Variants in FANCM observed in about 807,000 individuals in gnomAD.
FANCM encodes Fanconi anemia group M protein.
A neutral mutation model predicts 199.5 loss-of-function variants in FANCM; 140 were observed. The observed-to-expected ratio is 0.70, with a 90% CI of 0.61 to 0.81. The LOEUF (loss-of-function observed/expected upper bound fraction) is 0.81, where lower values mean the gene tolerates loss of function less well. FANCM is among the 30% of genes least tolerant of loss of function. The pLI is 0.00. For missense variants in FANCM, 2,410 were observed against 2,421.4 expected (o/e 1.00, Z 0.10); for synonymous variants, 840 against 836.8 (o/e 1.00, Z -0.07).
chr14:45,156,090 A>T (rs763249032), intron 8 of FANCM, among the ~76,000 whole-genome samples: 5 of 152,208 alleles, frequency 3.3e-5, no homozygotes, highest in Non-Finnish European at 7.3e-5. Context: ...GTGCTGTTTT[A>T]TATAGCATGG....
At chr14:45,199,234 C>G (rs1330380564) in intron 22 of FANCM, among the ~76,000 whole-genome samples, 1 of 152,156 alleles carries the variant, frequency 6.6e-6, no homozygotes, top group Non-Finnish European at 1.5e-5. Context: ...CTGGGCTGTT[C>G]AGTTCTGTAA....
Position 45,175,775 on chromosome 14 carries a change from G to T in FANCM, c.3021G>T (p.Leu1007Phe). ...SPPPLSGLSD[L>F]EYEIAKGTAL... The stretch of plus-strand genomic sequence containing the variant: ...CGCCTCTCAGTGGACTCTCAGACTT[G>T]GAATATGAAATTGCTAAGGGTACTG... Residue 1007 changes from leucine to phenylalanine, a missense_variant, in exon 14 of 23, where the codon TTG becomes TTT. Transcript: ENST00000267430. 6.2e-7 allele frequency: 1 copy of T among 1,613,520 alleles called. No homozygotes were observed.
At position 45,171,721 on chromosome 14, in the gene FANCM, GTGCA is replaced by G. The variant is rs1888356056; in HGVS notation, c.2160+978_2160+981del. 2.0e-5 allele frequency among the ~76,000 whole-genome samples: 3 copies of G among 149,988 alleles called. No individual in the cohort carries two copies. The Admixed American group carries it at 2.0e-4, about 10-fold the overall frequency. On this transcript the variant is annotated intron_variant, in intron 12 of 22. Coordinates refer to ENST00000267430, the MANE Select transcript of FANCM (RefSeq NM_020937.4). ...TGTGTGTGTGTGTGTGTGTGTGTGTGTGCATGTGTGTCACATTTTCTTTATCCAC... is the reference window on the plus strand; with the variant it reads ...TGTGTGTGTGTGTGTGTGTGTGTGTGTGTGTGTCACATTTTCTTTATCCAC...
chr14:45,152,009 T>A lies in FANCM; in HGVS notation c.1050+481T>A, dbSNP rs74483030. On this transcript the variant is annotated intron_variant, in intron 5 of 22. Transcript: ENST00000267430. ...TACAATGTAATGATTTGAATTAGGATAAATTTTACCTTTTAACTTTTTCTT... is the reference window on the plus strand; with the variant it reads ...TACAATGTAATGATTTGAATTAGGAAAAATTTTACCTTTTAACTTTTTCTT... 1.2e-3 allele frequency among the ~76,000 whole-genome samples: 175 copies of A among 150,748 alleles called. 3 individuals carry two copies. The East Asian group carries it at 0.032, about 27-fold the overall frequency.
intron 12 of FANCM, among the ~76,000 whole-genome samples, chr14:45,172,694 A>G (rs974801182): frequency 6.6e-6 from 1 of 152,214 alleles, no homozygotes; most frequent in Non-Finnish European, 1.5e-5. Context: ...ATTCTTTGTT[A>G]ACTTTGTGAA....
At chr14:45,191,361 G>A (rs1566785902) in intron 20 of FANCM, among the ~76,000 whole-genome samples, 1 of 152,142 alleles carries the variant, frequency 6.6e-6, no homozygotes, top group Non-Finnish European at 1.5e-5. Context: ...TCTCGACAAG[G>A]CAGAGTCCCT....
At chr14:45,146,830 C>A (rs1886427138) in intron 3 of FANCM, among the ~76,000 whole-genome samples, 2 of 88,194 alleles carry the variant, frequency 2.3e-5, no homozygotes, top group South Asian at 4.3e-4. Context: ...AAGACTCTGT[C>A]TCAAAAAAAA....
Position 45,181,698 on chromosome 14 carries a change from T to C in FANCM, c.4379T>C (p.Ile1460Thr). Residue 1460 changes from isoleucine (I) to threonine (T), a missense_variant, in exon 16 of 23, where the codon ATA becomes ACA. By Grantham distance (89) the Ile-to-Thr change is moderately conservative (BLOSUM62 -1). Transcript: ENST00000267430. ...GCTGTCAAAAAGCGCAGATTTCCTA[T>C]AAACAGAGTAAGTAAATACCAGGTA... ...LHAVKKRRFP[I>T]NRSELSSSDE... 6.2e-7 allele frequency: 1 copy of C among 1,600,612 alleles called. No individual in the cohort carries two copies. The highest frequency in any genetic ancestry group is 8.6e-7 in the Non-Finnish European group (1 of 1,168,806).
intron 10 of FANCM, among the ~76,000 whole-genome samples, chr14:45,166,638 TG>T (rs1887995345): frequency 6.6e-6 from 1 of 151,844 alleles, no homozygotes; most frequent in Admixed American, 6.6e-5. Context: ...TAACTGGGTG[TG>T]GTAGCTCACA....
At chr14:45,196,688 C>G (rs1009286367) in intron 21 of FANCM, 141 bp downstream of exon 21, 1 of 827,408 alleles carries the variant, frequency 1.2e-6, no homozygotes, top group African/African-American at 1.7e-5. Context: ...TATTTTCATA[C>G]AGCCATAATG....
intron 4 of FANCM, among the ~76,000 whole-genome samples, chr14:45,150,106 G>C (rs1027178459): frequency 3.3e-5 from 5 of 152,154 alleles, no homozygotes; most frequent in Non-Finnish European, 5.9e-5. Flanking sequence ...CATTGCCATG[G>C]ATTAAAGATG....
intron 11 of FANCM, chr14:45,167,500 A>G: frequency 4.1e-6 from 1 of 246,570 alleles, no homozygotes; most frequent in South Asian, 5.2e-5. Flanking sequence ...ATGTACTAAG[A>G]TAATACCAAG....
intron 22 of FANCM, 37 bp from the exon 23 acceptor site, chr14:45,199,833 G>T (rs574375609): frequency 2.5e-6 from 4 of 1,601,116 alleles, no homozygotes; most frequent in South Asian, 1.1e-5. Flanking sequence ...AAAGCCAAAA[G>T]TCCTAGTGTA....
rs372276411 is a variant in FANCM, at chr14:45,176,382, C to T, written c.3628C>T (p.Gln1210Ter). The change falls in exon 14 of 23, where the codon CAG (glutamine) becomes TAG (stop). Residue 1210 changes from glutamine to a stop codon, truncating the protein, a stop_gained. Transcript: ENST00000267430. LOFTEE classifies it high-confidence loss of function. ...SFKSRDQRGV[Q>*]EEKVKNHEDI... ...TAAATCTCGTGATCAGAGAGGTGTACAGGAAGAAAAAGTGAAGAATCATGA... is the reference window on the plus strand; with the variant it reads ...TAAATCTCGTGATCAGAGAGGTGTATAGGAAGAAAAAGTGAAGAATCATGA... The T allele has an allele frequency of 5.6e-6, 9 of 1,612,578 alleles. No individual in the cohort carries two copies. In the African/African-American group the frequency reaches 1.1e-4, roughly 19 times the overall value.
In FANCM at chr14:45,136,300, C is replaced by T. The variant is rs142904668; in HGVS notation, c.269C>T (p.Pro90Leu). ...GALWIYPTNC[P>L]VRDYQLHISR... Reference sequence around the variant, plus strand: ...CTGTGGATTTACCCTACCAATTGCCCAGTGCGGGACTACCAGCTGCACATT... The same window carrying T: ...CTGTGGATTTACCCTACCAATTGCCTAGTGCGGGACTACCAGCTGCACATT... Residue 90 changes from proline to leucine, a missense_variant, in exon 1 of 23, where the codon CCA (proline) becomes CTA (leucine). Physicochemically the swap from Pro to Leu is moderately conservative, Grantham distance 98. Coordinates refer to ENST00000267430, the MANE Select transcript of FANCM (RefSeq NM_020937.4). 3.9e-4 allele frequency: 625 copies of T among 1,614,180 alleles called. No homozygotes were observed. The highest frequency in any genetic ancestry group is 5.1e-4 in the Non-Finnish European group (606 of 1,180,042).
intron 5 of FANCM, among the ~76,000 whole-genome samples, chr14:45,152,255 C>G (rs1364046544): frequency 1.3e-5 from 2 of 152,098 alleles, no homozygotes; most frequent in Non-Finnish European, 2.9e-5. Context: ...GTCTCGACCT[C>G]CTGACCTCAG....
intron 3 of FANCM, among the ~76,000 whole-genome samples, chr14:45,141,409 T>G (rs963734338): frequency 2.0e-5 from 3 of 151,622 alleles, no homozygotes; most frequent in Non-Finnish European, 2.9e-5. Flanking sequence ...TAGTTTAACA[T>G]GAGAACTACA....
At position 45,176,366 on chromosome 14, in the gene FANCM, T is replaced by A. The variant is rs755947611; in HGVS notation, c.3612T>A (p.Arg1204=). The change falls in exon 14 of 23, where the codon CGT becomes CGA. Residue 1204 remains arginine, a synonymous_variant. Transcript: ENST00000267430. ...ITRDANSFKS[R]DQRGVQEEKV... ...GTGATGCTAATAGTTTTAAATCTCG[T>A]GATCAGAGAGGTGTACAGGAAGAAA... 42 of 1,613,212 alleles carry A rather than the reference T, an allele frequency of 2.6e-5. 2 individuals are homozygous for A. The South Asian group carries it at 4.5e-4, about 17-fold the overall frequency.
chr14:45,143,844 C>T (rs986033056), intron 3 of FANCM, among the ~76,000 whole-genome samples: 1 of 151,748 alleles, frequency 6.6e-6, no homozygotes, highest in South Asian at 2.1e-4. Flanking sequence ...CAGGTGCCCA[C>T]CACCATGCTC....
Sources: gnomAD v4.1 joint callset for allele counts (sites outside exome capture counted in the v4.1 genomes callset) on GRCh38, gnomAD v4.1.1 for gene constraint, MANE v1.5 for transcripts, NCBI Gene and HGNC (gene_info 2026-07-23, HGNC 2026-07-21) for gene names.